CDK5RAP2: variants seen among roughly 807,000 people sequenced by gnomAD.
CDK5RAP2 encodes CDK5 regulatory subunit associated protein 2.
CDK5RAP2 carries 147 observed loss-of-function variants against 232.9 expected under a neutral mutation model. That is an observed-to-expected ratio of 0.63 (90% confidence interval 0.55 to 0.72). The LOEUF is 0.72. Ranked by LOEUF, CDK5RAP2 falls within the 30% of genes least tolerant of loss-of-function variation. The pLI is 0.00. For synonymous variants in CDK5RAP2, 833 were observed against 833.7 expected, an observed-to-expected ratio of 1.00 and a Z score of 0.01; for missense variants, 2,195 against 2,231.5, an observed-to-expected ratio of 0.98 and a Z score of 0.33.
At chr9:120,539,004 A>G (rs962334204) in intron 6 of CDK5RAP2, 37 bp downstream of exon 6, 15 of 1,610,338 alleles carry the variant, frequency 9.3e-6, no homozygotes, top group South Asian at 2.2e-5. Flanking sequence ...TTAACCCACT[A>G]TAAGAAATAC....
intron 25 of CDK5RAP2, among the ~76,000 whole-genome samples, chr9:120,427,557 C>T (rs1216107082): frequency 3.9e-5 from 6 of 152,124 alleles, no homozygotes; most frequent in Admixed American, 3.9e-4. Context: ...CTATCACAAA[C>T]TCAGATGTGA....
intron 3 of CDK5RAP2, among the ~76,000 whole-genome samples, chr9:120,552,834 AAAGTTT>A (rs2042094983): frequency 6.6e-6 from 1 of 152,026 alleles, no homozygotes; most frequent in African/African-American, 2.4e-5. Context: ...CCTAAAACTT[AAAGTTT>A]AATTTAAAAA....
chr9:120,453,537 G>A lies in CDK5RAP2; in HGVS notation c.2712C>T (p.Ser904=), dbSNP rs747147632. The A allele has an allele frequency of 6.2e-6, 10 of 1,614,078 alleles. No individual in the cohort carries two copies. The highest frequency in any genetic ancestry group is 4.4e-5 in the South Asian group (4 of 91,082). Residue 904 remains serine, a synonymous_variant, in exon 21 of 38, where the codon AGC becomes AGT. Transcript: ENST00000349780. ...WEEKPINTAL[S]AEHRPENLHG... is the part of the protein sequence containing the mutation. ...GCAGGTTCTCTGGCCGATGCTCTGC[G>A]CTGAGTGCAGTGTTGATCGGTTTCT... is the stretch of plus-strand genomic sequence containing the variant.
At chr9:120,509,893 C>A (rs1394747970) in intron 12 of CDK5RAP2, among the ~76,000 whole-genome samples, 1 of 152,098 alleles carries the variant, frequency 6.6e-6, no homozygotes, top group Non-Finnish European at 1.5e-5. Flanking sequence ...CAACATAGGT[C>A]ATTTAAACTG....
At chr9:120,553,250 C>T in intron 3 of CDK5RAP2, among the ~76,000 whole-genome samples, 1 of 152,264 alleles carries the variant, frequency 6.6e-6, no homozygotes, top group African/African-American at 2.4e-5. Flanking sequence ...GTCAATTCAG[C>T]CTCACTGCCT....
chr9:120,397,666 C>T lies in CDK5RAP2; in HGVS notation c.5452-3028G>A, dbSNP rs1033170902. Among the ~76,000 whole-genome samples the T allele has an allele frequency of 1.7e-4, 25 of 150,706 alleles. 1 individual carries two copies. Among genetic ancestry groups the T allele is most frequent in the African/African-American group, 5.8e-4 (24 of 41,054 alleles). ...TCACCACATCCAGTCAGTGAGCACA[C>T]TTCCCTGATTGCTTCATAATTTTCT... On this transcript the variant is annotated intron_variant, in intron 35 of 37. Transcript: ENST00000349780.
chr9:120,496,390 T>G (rs1465353673), intron 12 of CDK5RAP2, among the ~76,000 whole-genome samples: 656 of 26,242 alleles, frequency 0.025, no homozygotes, highest in Admixed American at 0.053. Context: ...GGGGGGGGGG[T>G]CAGCCCCCCC....
At chr9:120,400,593 T>C (rs1277855275) in intron 35 of CDK5RAP2, 149 bp downstream of exon 35, 16 of 910,234 alleles carry the variant, frequency 1.8e-5, no homozygotes, top group Admixed American at 3.9e-5. Flanking sequence ...AAGAACACAG[T>C]GAAGCCATGG....
At chr9:120,404,550 A>G (rs2033303595) in intron 32 of CDK5RAP2, among the ~76,000 whole-genome samples, 1 of 152,214 alleles carries the variant, frequency 6.6e-6, no homozygotes, top group African/African-American at 2.4e-5. Flanking sequence ...TGAGAGGCAG[A>G]CAGTGGGACA....
chr9:120,552,169 CA>C (rs1461510139), intron 3 of CDK5RAP2, among the ~76,000 whole-genome samples: 3 of 151,950 alleles, frequency 2.0e-5, no homozygotes, highest in Non-Finnish European at 4.4e-5. Context: ...GTTACAATGG[CA>C]ATCATTAAAA....
intron 11 of CDK5RAP2, among the ~76,000 whole-genome samples, chr9:120,523,542 C>T (rs546502925): frequency 3.9e-5 from 6 of 152,288 alleles, no homozygotes; most frequent in African/African-American, 9.6e-5. Context: ...ATGTTCCTAG[C>T]GTACCATGAT....
At chr9:120,529,198 A>T (rs2041037902) in intron 8 of CDK5RAP2, among the ~76,000 whole-genome samples, 1 of 152,248 alleles carries the variant, frequency 6.6e-6, no homozygotes, top group Admixed American at 6.5e-5. Flanking sequence ...GCCCTGCTCC[A>T]TGAAGAAACC....
intron 1 of CDK5RAP2, among the ~76,000 whole-genome samples, chr9:120,572,934 G>T (rs2042905843): frequency 6.6e-6 from 1 of 152,098 alleles, no homozygotes; most frequent in Non-Finnish European, 1.5e-5. Context: ...TTCAAAGGAA[G>T]GCCCCAAGGC....
rs746734194 is a variant in CDK5RAP2 at position 120,467,921 on chromosome 9, G to A, written c.2045C>T (p.Ser682Phe). Residue 682 changes from serine to phenylalanine, a missense_variant, in exon 18 of 38, where the codon TCC becomes TTC. Transcript: ENST00000349780. ...CCCATTTCCCTGGAAACCCATGCAG[G>A]AGAGATCAAAAATGGTTTTCTTCAG... is the stretch of plus-strand genomic sequence containing the variant. ...QHLKKTIFDL[S>F]CMGFQGNGFP... 1.9e-6 allele frequency: 3 copies of A among 1,614,140 alleles called. No homozygotes were observed. The highest frequency in any genetic ancestry group is 2.5e-6 in the Non-Finnish European group (3 of 1,179,984).
At chr9:120,541,204 C>T (rs553558312) in intron 5 of CDK5RAP2, among the ~76,000 whole-genome samples, 1 of 152,288 alleles carries the variant, frequency 6.6e-6, no homozygotes, top group South Asian at 2.1e-4. Flanking sequence ...CTCATCTCTG[C>T]TACCCTTTCC....
chr9:120,447,979 A>T lies in CDK5RAP2; in HGVS notation c.2941T>A (p.Cys981Ser). The T allele has an allele frequency of 6.2e-7, 1 of 1,614,064 alleles. No individual in the cohort carries two copies. The highest frequency in any genetic ancestry group is 8.5e-7 in the Non-Finnish European group (1 of 1,180,008). The change falls in exon 22 of 38, where the codon TGT (cysteine) becomes AGT (serine). Residue 981 changes from cysteine to serine, a missense_variant. Coordinates refer to ENST00000349780, the MANE Select transcript of CDK5RAP2 (RefSeq NM_018249.6). ...AACTTTTGGTGAAGTTGCTTATTAC[A>T]AGTTTTAAACTCCTTCAGCTCCCCC... ...LQGELKEFKT[C>S]NKQLHQKLIL...
In CDK5RAP2 at chr9:120,458,550, A is replaced by T; in HGVS notation, c.2275T>A (p.Cys759Ser). Residue 759 changes from cysteine to serine, a missense_variant, in exon 20 of 38, where the codon TGT becomes AGT. Transcript: ENST00000349780. ...LRHTESKISD[C>S]DGAHAPGCLE... ...CAGCCAGGTGCGTGGGCCCCATCAC[A>T]ATCTGAAATCTTAGACTCCGTGTGC... 1 of 1,614,094 alleles carries T rather than the reference A, an allele frequency of 6.2e-7. No individual in the cohort carries two copies. Among genetic ancestry groups the T allele is most frequent in the Non-Finnish European group, 8.5e-7 (1 of 1,180,000 alleles).
chr9:120,556,818 T>C (rs900269662), intron 3 of CDK5RAP2, among the ~76,000 whole-genome samples: 1 of 152,226 alleles, frequency 6.6e-6, no homozygotes, highest in African/African-American at 2.4e-5. Context: ...TTGGCCCTCT[T>C]GTTAACACTT....
At chr9:120,489,733 T>G (rs1184717642) in intron 13 of CDK5RAP2, among the ~76,000 whole-genome samples, 2 of 152,144 alleles carry the variant, frequency 1.3e-5, no homozygotes, top group African/African-American at 4.8e-5. Flanking sequence ...TTAAAAGCTG[T>G]CTTGTTTTCT....
Sources: gnomAD v4.1 joint callset for allele counts (sites outside exome capture counted in the v4.1 genomes callset) on GRCh38, gnomAD v4.1.1 for gene constraint, MANE v1.5 for transcripts, NCBI Gene and HGNC (gene_info 2026-07-23, HGNC 2026-07-21) for gene names.